EML6: variants seen among roughly 807,000 people sequenced by gnomAD.
The protein encoded by EML6 is echinoderm microtubule-associated protein-like 6.
In EML6, 154 loss-of-function variants were observed where a neutral mutation model predicts 240.1. The observed-to-expected ratio is 0.64, with a 90% confidence interval of 0.56 to 0.73. The LOEUF (loss-of-function observed/expected upper bound fraction) is 0.73, where lower values mean the gene tolerates loss of function less well. EML6 is among the 30% of genes least tolerant of loss of function. The probability of loss-of-function intolerance (pLI) is 0.00; values close to 1 mark genes in which losing one functional copy is unlikely to be tolerated. For missense variants in EML6, 2,964 were observed against 2,474.6 expected, an observed-to-expected ratio of 1.20 and a Z score of -4.20; for synonymous variants, 1,148 against 899.0, an observed-to-expected ratio of 1.28 and a Z score of -4.95.
chr2:54,901,550 G>C (rs929654720), intron 22 of EML6, among the ~76,000 whole-genome samples: 1 of 152,228 alleles, frequency 6.6e-6, no homozygotes, highest in South Asian at 2.1e-4. Context: ...ATTCAACCCA[G>C]TTTACCCCTG....
chr2:54,962,099 T>TTA (rs1676546596), intron 35 of EML6, among the ~76,000 whole-genome samples: 1 of 147,668 alleles, frequency 6.8e-6, no homozygotes. Context: ...TTTTTTTTTT[T>TTA]AAAGACAGGG....
intron 28 of EML6, among the ~76,000 whole-genome samples, chr2:54,941,707 C>T (rs1675435342): frequency 6.6e-6 from 1 of 152,232 alleles, no homozygotes; most frequent in Admixed American, 6.5e-5. Context: ...TCTGCAGTTG[C>T]ATGTGTGTTG....
At chr2:54,823,746 G>C (rs1005575783) in intron 5 of EML6, among the ~76,000 whole-genome samples, 1 of 152,024 alleles carries the variant, frequency 6.6e-6, no homozygotes, top group Non-Finnish European at 1.5e-5. Context: ...CAGGACCCTA[G>C]GGGGTTAGGT....
intron 8 of EML6, among the ~76,000 whole-genome samples, chr2:54,846,638 C>T (rs77979344): frequency 0.2 from 30,947 of 151,820 alleles, 3,792 homozygotes; most frequent in Non-Finnish European, 0.27. Flanking sequence ...CATGCCCCAC[C>T]ACACCCAGCT....
At chr2:54,744,722 G>T (rs1345924242) in intron 2 of EML6, among the ~76,000 whole-genome samples, 1 of 151,920 alleles carries the variant, frequency 6.6e-6, no homozygotes, top group African/African-American at 2.4e-5. Flanking sequence ...AGGAGGATTG[G>T]GTTCTGGGGT....
At position 54,971,496 on chromosome 2, in the gene EML6, T is replaced by G. The variant is rs1050068357; in HGVS notation, c.*1401T>G. 1 of 152,224 alleles carries G rather than the reference T, an allele frequency of 6.6e-6. No homozygotes were observed. Among genetic ancestry groups the G allele is most frequent in the African/African-American group, 2.4e-5 (1 of 41,448 alleles). 9.4% of individuals were successfully genotyped at this position (152,224 alleles called of 1,614,324 possible). A position where few individuals can be genotyped will look rare whatever the true frequency, so the allele number is the denominator to read the frequency against. On this transcript the variant is annotated 3_prime_UTR_variant, in exon 42 of 42. Transcript: ENST00000356458. ...TGCATTTGTCAGTTTAGAGAAAAGG[T>G]AAAATGAGGCATTTTCAATTGTAGA... is the stretch of plus-strand genomic sequence containing the variant.
intron 2 of EML6, among the ~76,000 whole-genome samples, chr2:54,802,150 C>G (rs1670186812): frequency 6.6e-6 from 1 of 152,152 alleles, no homozygotes; most frequent in Non-Finnish European, 1.5e-5. Flanking sequence ...AATCCCTGCC[C>G]TCCTGTAGCT....
chr2:54,849,822 A>G, intron 9 of EML6, 140 bp from the exon 10 acceptor site: 1 of 710,210 alleles, frequency 1.4e-6, no homozygotes, highest in Non-Finnish European at 2.3e-6. Context: ...CATTTTATAT[A>G]TTTACTCAAA....
chr2:54,900,642 G>C (rs901580462), intron 22 of EML6, among the ~76,000 whole-genome samples: 1 of 152,176 alleles, frequency 6.6e-6, no homozygotes, highest in African/African-American at 2.4e-5. Flanking sequence ...GGCAGCCAGG[G>C]AAATAAATGG....
chr2:54,849,936 T>G, intron 9 of EML6, 26 bp from the exon 10 acceptor site: 3 of 1,535,682 alleles, frequency 2.0e-6, no homozygotes, highest in Non-Finnish European at 2.6e-6. Context: ...AATTGCTGCT[T>G]ATCGTTTTGC....
chr2:54,817,118 TG>T (rs758857247), intron 4 of EML6, among the ~76,000 whole-genome samples: 1 of 152,258 alleles, frequency 6.6e-6, no homozygotes, highest in Non-Finnish European at 1.5e-5. Flanking sequence ...AGCAAATTTT[TG>T]ATGCTGGCAT....
At chr2:54,893,043 G>A (rs1165703525) in intron 19 of EML6, among the ~76,000 whole-genome samples, 1 of 152,114 alleles carries the variant, frequency 6.6e-6, no homozygotes, top group African/African-American at 2.4e-5. Context: ...TTACATTATT[G>A]TTCCAGACGT....
In EML6 at chr2:54,895,261, C is replaced by G. The variant is rs1185348545; in HGVS notation, c.2855-12C>G. The G allele has an allele frequency of 1.9e-6, 3 of 1,551,146 alleles. No individual in the cohort carries two copies. The highest frequency in any genetic ancestry group is 2.6e-6 in the Non-Finnish European group (3 of 1,146,676). ...TTTGTTATTGTGTTAAATATACCAT[C>G]CCCTTCCCCAGGCTTGCTTTTGGAA... On this transcript the variant is annotated splice_polypyrimidine_tract_variant and intron_variant, in intron 20 of 41. Transcript: ENST00000356458.
At position 54,928,571 on chromosome 2, in the gene EML6, C is replaced by G. The variant is rs1054059807; in HGVS notation, c.3878-54C>G. Reference sequence around the variant, plus strand: ...GCCGAATGCACCTCCCAACACCTCCCTTCCTGGGCCACTGCAAACCAACTG... The same window carrying G: ...GCCGAATGCACCTCCCAACACCTCCGTTCCTGGGCCACTGCAAACCAACTG... On this transcript the variant is annotated intron_variant, in intron 27 of 41. Coordinates refer to ENST00000356458, the MANE Select transcript of EML6 (RefSeq NM_001039753.4). 15 of 1,551,482 alleles carry G rather than the reference C, an allele frequency of 9.7e-6. No homozygotes were observed. The East Asian group carries it at 3.7e-4, about 38-fold the overall frequency.
intron 2 of EML6, among the ~76,000 whole-genome samples, chr2:54,756,350 G>A (rs747538822): frequency 1.3e-5 from 2 of 152,158 alleles, no homozygotes; most frequent in East Asian, 3.8e-4. Context: ...CAATGGAAAG[G>A]TTGGTAGAAT....
intron 13 of EML6, among the ~76,000 whole-genome samples, chr2:54,864,402 A>G (rs1332962423): frequency 2.0e-5 from 3 of 152,268 alleles, no homozygotes; most frequent in African/African-American, 7.2e-5. Context: ...CTCTCCAGTC[A>G]GAAATTACCT....
At chr2:54,875,406 G>C (rs1474148874) in intron 16 of EML6, among the ~76,000 whole-genome samples, 1 of 152,202 alleles carries the variant, frequency 6.6e-6, no homozygotes, top group Non-Finnish European at 1.5e-5. Flanking sequence ...GATTTAGCTA[G>C]TGCTCCATCT....
In EML6 at chr2:54,813,411, T is replaced by A; in HGVS notation, c.357+20T>A. 6.5e-7 allele frequency: 1 copy of A among 1,545,730 alleles called. No homozygotes were observed. The highest frequency in any genetic ancestry group is 8.8e-7 in the Non-Finnish European group (1 of 1,142,566). On this transcript the variant is annotated intron_variant, in intron 3 of 41. Transcript: ENST00000356458. ...GGACAGGTGTGTATCTTTTTTTAGT[T>A]GTTTTATTTAATGACTTCTCACAAC...
At chr2:54,779,281 A>G (rs1021247479) in intron 2 of EML6, among the ~76,000 whole-genome samples, 5 of 151,900 alleles carry the variant, frequency 3.3e-5, no homozygotes, top group Non-Finnish European at 7.4e-5. Flanking sequence ...GCTCACGCCT[A>G]TAATCCCAGC....
Sources: allele counts gnomAD v4.1 joint callset (sites outside exome capture counted in the v4.1 genomes callset), GRCh38; gene constraint gnomAD v4.1.1; transcripts MANE v1.5; gene names NCBI Gene and HGNC (gene_info 2026-07-23, HGNC 2026-07-21).